The following MAPK4 variants were observed in gnomAD, a reference collection of about 807,000 sequenced individuals.
MAPK4 encodes Erk3-related.
MAPK4 carries 22 observed loss-of-function variants against 47.7 expected under a neutral mutation model. The observed-to-expected ratio is 0.46, with a 90% CI of 0.33 to 0.66. The LOEUF (loss-of-function observed/expected upper bound fraction) is 0.66. Ranked by LOEUF, MAPK4 falls within the 30% of genes least tolerant of loss-of-function variation. The probability of loss-of-function intolerance (pLI) is 0.02; values close to 1 mark genes in which losing one functional copy is unlikely to be tolerated. For missense variants in MAPK4, 736 were observed against 831.7 expected (o/e 0.88, Z 1.42); for synonymous variants, 390 against 365.7 (o/e 1.07, Z -0.76).
chr18:50,719,411 T>C (rs760869601), intron 3 of MAPK4, among the ~76,000 whole-genome samples: 3 of 152,068 alleles, frequency 2.0e-5, no homozygotes, highest in Non-Finnish European at 4.4e-5. Flanking sequence ...CATCCTGCTA[T>C]CTTATTTTTC....
In MAPK4 at chr18:50,701,381, C is replaced by A. The variant is rs139990820; in HGVS notation, c.547-13698C>A. ...TTCACAAAGCAAGTTATTTTGAGAG[C>A]AATCTGTTAGCAAATGGGCTATTGC... On this transcript the variant is annotated intron_variant, in intron 2 of 5. Transcript: ENST00000400384. Among the ~76,000 whole-genome samples the A allele has an allele frequency of 1.9e-4, 29 of 152,266 alleles. No homozygotes were observed. The East Asian group carries it at 5.4e-3, about 28-fold the overall frequency.
intron 2 of MAPK4, among the ~76,000 whole-genome samples, chr18:50,713,323 G>C (rs1038346624): frequency 6.6e-6 from 1 of 152,122 alleles, no homozygotes; most frequent in African/African-American, 2.4e-5. Flanking sequence ...TCCTTTGTTG[G>C]AACAAGATAA....
At chr18:50,674,462 C>T (rs1434550048) in intron 2 of MAPK4, among the ~76,000 whole-genome samples, 1 of 152,170 alleles carries the variant, frequency 6.6e-6, no homozygotes, top group Non-Finnish European at 1.5e-5. Flanking sequence ...CAGTCTCACA[C>T]ATCTGTGAGC....
chr18:50,615,943 C>T (rs545479494), intron 1 of MAPK4, among the ~76,000 whole-genome samples: 15 of 152,280 alleles, frequency 9.9e-5, no homozygotes, highest in Admixed American at 7.2e-4. Context: ...GTAAGGTGAC[C>T]GAGCCAGTTA....
chr18:50,719,958 G>T (rs1015633205), intron 3 of MAPK4, among the ~76,000 whole-genome samples: 10 of 152,188 alleles, frequency 6.6e-5, no homozygotes, highest in African/African-American at 2.4e-4. Flanking sequence ...ACCTTCCCCG[G>T]AAGTCCTTCC....
At chr18:50,716,607 G>T (rs79128579) in intron 3 of MAPK4, among the ~76,000 whole-genome samples, 1 of 152,162 alleles carries the variant, frequency 6.6e-6, no homozygotes, top group African/African-American at 2.4e-5. Context: ...CATGAGCCCC[G>T]TGGGCCTGCC....
intron 1 of MAPK4, among the ~76,000 whole-genome samples, chr18:50,582,959 T>C (rs1170530204): frequency 6.6e-6 from 1 of 152,220 alleles, no homozygotes; most frequent in Non-Finnish European, 1.5e-5. Context: ...AGTGGAGGCA[T>C]ATTACAGCTC....
chr18:50,656,327 A>C (rs1426405690), intron 1 of MAPK4, among the ~76,000 whole-genome samples: 1 of 152,272 alleles, frequency 6.6e-6, no homozygotes, highest in African/African-American at 2.4e-5. Flanking sequence ...GCTGTAGTCC[A>C]CTCAGGGCTC....
chr18:50,646,560 G>A (rs942864980), intron 1 of MAPK4, among the ~76,000 whole-genome samples: 4 of 152,294 alleles, frequency 2.6e-5, no homozygotes, highest in Admixed American at 1.3e-4. Context: ...AGGGACGGGG[G>A]CTGCAAAGAC....
At chr18:50,640,351 G>A (rs1247706346) in intron 1 of MAPK4, among the ~76,000 whole-genome samples, 3 of 146,970 alleles carry the variant, frequency 2.0e-5, no homozygotes, top group Non-Finnish European at 4.4e-5. Context: ...ATCTTAATCG[G>A]CTCTTGTCCC....
rs201866478 is a variant in MAPK4 at position 50,640,824 on chromosome 18, G to A, written c.-870-22265G>A. Among the ~76,000 whole-genome samples, 45 of 151,526 alleles carry A rather than the reference G, an allele frequency of 3.0e-4. 1 individual carries two copies. The South Asian group carries it at 4.8e-3, about 16-fold the overall frequency. On this transcript the variant is annotated intron_variant, in intron 1 of 5. Coordinates refer to ENST00000400384, the MANE Select transcript of MAPK4 (RefSeq NM_002747.4). ...TTGGCTTAAACACACACACACACAC[G>A]CACACACACACTGATGCATTAGTGC...
intron 2 of MAPK4, chr18:50,704,479 T>A: frequency 2.5e-6 from 1 of 398,018 alleles, no homozygotes. Flanking sequence ...AGACCCTGTC[T>A]CCAAAAAAAA....
intron 2 of MAPK4, among the ~76,000 whole-genome samples, chr18:50,697,160 G>C (rs1909557879): frequency 6.6e-6 from 1 of 152,216 alleles, no homozygotes; most frequent in Non-Finnish European, 1.5e-5. Context: ...TTAAGGTTGA[G>C]AATTGCTGAT....
chr18:50,611,723 A>G (rs1333890054), intron 1 of MAPK4, among the ~76,000 whole-genome samples: 1 of 152,204 alleles, frequency 6.6e-6, no homozygotes, highest in Non-Finnish European at 1.5e-5. Context: ...AATGGCCCAG[A>G]GGAAATGAAA....
intron 1 of MAPK4, among the ~76,000 whole-genome samples, chr18:50,598,747 C>T (rs772018909): frequency 7.9e-5 from 12 of 152,182 alleles, no homozygotes; most frequent in Non-Finnish European, 1.8e-4. Flanking sequence ...ATGTCTCCTC[C>T]GCTCTGAGTT....
chr18:50,722,024 A>G lies in MAPK4; in HGVS notation c.778A>G (p.Met260Val). ...EEDKDELLRV[M>V]PSFVSSTWEV... is the part of the protein sequence containing the mutation. ...AGACAAGGACGAGCTGCTCAGGGTG[A>G]TGCCTTCCTTTGTCAGCAGCACCTG... Residue 260 changes from methionine to valine, a missense_variant, in exon 4 of 6, where the codon ATG becomes GTG. By Grantham distance (21) the Met-to-Val change is conservative (BLOSUM62 1). Coordinates refer to ENST00000400384, the MANE Select transcript of MAPK4 (RefSeq NM_002747.4). 1 of 1,613,894 alleles carries G rather than the reference A, an allele frequency of 6.2e-7. No homozygotes were observed. Among genetic ancestry groups the G allele is most frequent in the Non-Finnish European group, 8.5e-7 (1 of 1,179,944 alleles).
At chr18:50,729,123 G>A (rs1292059028) in intron 5 of MAPK4, 35 bp from the exon 6 acceptor site, 2 of 1,508,448 alleles carry the variant, frequency 1.3e-6, no homozygotes, top group Non-Finnish European at 1.8e-6. Context: ...ACCTGGCTTG[G>A]GCATCCAATC....
intron 1 of MAPK4, among the ~76,000 whole-genome samples, chr18:50,561,028 G>T (rs571674887): frequency 6.6e-6 from 1 of 152,364 alleles, no homozygotes; most frequent in South Asian, 2.1e-4. Flanking sequence ...GGGCTGTGGC[G>T]GGAGTTCCAG....
chr18:50,592,896 G>A (rs572885698), intron 1 of MAPK4, among the ~76,000 whole-genome samples: 1 of 152,314 alleles, frequency 6.6e-6, no homozygotes, highest in Admixed American at 6.5e-5. Context: ...GCATCTCGCA[G>A]CATTGTCCAT....
Sources: gnomAD v4.1 joint callset for allele counts (sites outside exome capture counted in the v4.1 genomes callset) on GRCh38, gnomAD v4.1.1 for gene constraint, MANE v1.5 for transcripts, NCBI Gene and HGNC (gene_info 2026-07-23, HGNC 2026-07-21) for gene names.